TRHDE: variants seen among roughly 807,000 people sequenced by gnomAD.
The protein encoded by TRHDE is thyrotropin releasing hormone degrading enzyme, also known as thyrotropin-releasing hormone-degrading ectoenzyme.
A neutral mutation model predicts 125.7 loss-of-function variants in TRHDE; 72 were observed. The observed-to-expected ratio is 0.57, with a 90% CI of 0.47 to 0.70. TRHDE has a LOEUF of 0.70. TRHDE is among the 30% of genes least tolerant of loss of function. The probability of loss-of-function intolerance (pLI) is 0.00; values close to 1 mark genes in which losing one functional copy is unlikely to be tolerated. For missense variants in TRHDE, 1,110 were observed against 1,327.1 expected (o/e 0.84, Z 2.54); for synonymous variants, 509 against 509.1 (o/e 1.00, Z 0.00).
intron 1 of TRHDE, among the ~76,000 whole-genome samples, chr12:72,088,752 G>A (rs529749245): frequency 1.5e-4 from 23 of 152,082 alleles, no homozygotes; most frequent in Non-Finnish European, 2.8e-4. Context: ...TATTATTGAA[G>A]CATTGTAGGG....
At position 72,272,870 on chromosome 12, in the gene TRHDE, A is replaced by T. The variant is rs143894773; in HGVS notation, c.227A>T (p.Glu76Val). ...DSVGVRPRTT[E>V]RHIAVHKRLV... ...GTGGGAGTGCGACCCCGCACCACGGAGCGCCACATCGCCGTACACAAGCGG... is the reference window on the plus strand; with the variant it reads ...GTGGGAGTGCGACCCCGCACCACGGTGCGCCACATCGCCGTACACAAGCGG... Residue 76 changes from glutamate (E) to valine (V), a missense_variant, in exon 1 of 19, where the codon GAG (glutamate) becomes GTG (valine). By Grantham distance (121) the Glu-to-Val change is moderately radical. Transcript: ENST00000261180. This position sits in a 1 kb window ranked among gnomAD's most constrained non-coding sequence, Gnocchi z 6.7. The T allele has an allele frequency of 2.5e-3, 3,905 of 1,580,586 alleles. 8 individuals are homozygous for T. Among genetic ancestry groups the T allele is most frequent in the Non-Finnish European group, 3.0e-3 (3,521 of 1,171,404 alleles).
At chr12:72,143,236 C>A (rs950003933) in intron 2 of TRHDE, among the ~76,000 whole-genome samples, 2 of 152,266 alleles carry the variant, frequency 1.3e-5, no homozygotes, top group East Asian at 3.9e-4. Context: ...GGTGACCAAA[C>A]AAATGAACCA....
chr12:72,129,487 T>A (rs1022525361), intron 2 of TRHDE, among the ~76,000 whole-genome samples: 17 of 152,224 alleles, frequency 1.1e-4, no homozygotes, highest in Non-Finnish European at 1.5e-5. Flanking sequence ...CTTATGTGTC[T>A]ATGCAGGGTT....
intron 2 of TRHDE, among the ~76,000 whole-genome samples, chr12:72,226,760 C>G (rs911470070): frequency 6.6e-6 from 1 of 152,114 alleles, no homozygotes; most frequent in African/African-American, 2.4e-5. Context: ...TAGAAGTACT[C>G]TAAAATGAAC....
chr12:72,371,475 T>A (rs1435960904), intron 2 of TRHDE, among the ~76,000 whole-genome samples: 1 of 151,798 alleles, frequency 6.6e-6, no homozygotes, highest in Admixed American at 6.6e-5. Flanking sequence ...TGTGCCATGC[T>A]GGTGTGCTGC....
chr12:72,504,490 G>A (rs1356874723), intron 6 of TRHDE, among the ~76,000 whole-genome samples: 2 of 152,108 alleles, frequency 1.3e-5, no homozygotes, highest in East Asian at 3.9e-4. Flanking sequence ...TTTTAGTAGA[G>A]ACGAGGTTTC....
At chr12:72,208,291 C>G (rs531098616) in intron 2 of TRHDE, among the ~76,000 whole-genome samples, 1 of 152,206 alleles carries the variant, frequency 6.6e-6, no homozygotes, top group Admixed American at 6.5e-5. Flanking sequence ...AAACAAGAGT[C>G]CTTCCTCATT....
chr12:72,529,099 A>G (rs1041744765), intron 6 of TRHDE, among the ~76,000 whole-genome samples: 28 of 152,286 alleles, frequency 1.8e-4, no homozygotes, highest in African/African-American at 5.3e-4. Context: ...AAATTAAACT[A>G]TAGGACTAAA....
chr12:72,398,399 G>T (rs1294222859), intron 3 of TRHDE, among the ~76,000 whole-genome samples: 2 of 152,130 alleles, frequency 1.3e-5, no homozygotes, highest in Non-Finnish European at 2.9e-5. Context: ...GATCCCTGAG[G>T]AATCGCCACT....
chr12:72,326,806 T>C (rs1363608643), intron 2 of TRHDE, among the ~76,000 whole-genome samples: 1 of 152,172 alleles, frequency 6.6e-6, no homozygotes, highest in Non-Finnish European at 1.5e-5. Context: ...TCCTTCACAT[T>C]GAACAAATTG....
At chr12:72,234,133 C>T (rs1426118708) in intron 2 of TRHDE, among the ~76,000 whole-genome samples, 1 of 152,144 alleles carries the variant, frequency 6.6e-6, no homozygotes, top group African/African-American at 2.4e-5. Context: ...ATACAATAAA[C>T]TTCAAACATA....
chr12:72,526,466 GT>G (rs1868340521), intron 6 of TRHDE, among the ~76,000 whole-genome samples: 1 of 152,118 alleles, frequency 6.6e-6, no homozygotes, highest in Admixed American at 6.6e-5. Context: ...GATATTTTAT[GT>G]TGTTGGGATG....
chr12:72,516,704 G>A (rs1878879954), intron 6 of TRHDE, among the ~76,000 whole-genome samples: 1 of 150,510 alleles, frequency 6.6e-6, no homozygotes, highest in African/African-American at 2.4e-5. Context: ...GGTGAGAGAG[G>A]GCATCCCTGT....
chr12:72,215,365 T>C (rs1877866118), intron 2 of TRHDE, among the ~76,000 whole-genome samples: 1 of 152,122 alleles, frequency 6.6e-6, no homozygotes. Flanking sequence ...TTCACTTCTT[T>C]TGTGATTCTT....
chr12:72,168,625 G>A (rs1210055069), intron 2 of TRHDE, among the ~76,000 whole-genome samples: 2 of 152,158 alleles, frequency 1.3e-5, no homozygotes, highest in Non-Finnish European at 2.9e-5. Flanking sequence ...ATTGGATCCT[G>A]TTATGTTTTG....
At chr12:72,371,751 A>G (rs1328186573) in intron 2 of TRHDE, among the ~76,000 whole-genome samples, 4 of 152,186 alleles carry the variant, frequency 2.6e-5, no homozygotes, top group Middle Eastern at 3.4e-3. Flanking sequence ...ATAGTATTCC[A>G]TGGTATATAT....
At chr12:72,358,600 G>A (rs781298658) in intron 2 of TRHDE, among the ~76,000 whole-genome samples, 28 of 151,296 alleles carry the variant, frequency 1.9e-4, no homozygotes, top group Non-Finnish European at 3.0e-4. Flanking sequence ...CCTCTAACCC[G>A]CACATTGTTC....
At chr12:72,302,133 G>A (rs1219929503) in intron 2 of TRHDE, among the ~76,000 whole-genome samples, 2 of 152,096 alleles carry the variant, frequency 1.3e-5, no homozygotes, top group Non-Finnish European at 2.9e-5. Flanking sequence ...ATGTTCTTGG[G>A]TTTGTGGAAG....
chr12:72,314,916 G>A (rs2135703636), intron 2 of TRHDE, among the ~76,000 whole-genome samples: 1 of 152,196 alleles, frequency 6.6e-6, no homozygotes, highest in East Asian at 1.9e-4. Context: ...ATGTTCAGAT[G>A]GTTAGATGGC....
Sources: gnomAD v4.1 joint callset for allele counts (sites outside exome capture counted in the v4.1 genomes callset) on GRCh38, gnomAD v4.1.1 for gene constraint, Gnocchi (gnomAD v3.1) non-coding constraint, MANE v1.5 for transcripts, NCBI Gene and HGNC (gene_info 2026-07-23, HGNC 2026-07-21) for gene names.